The following HYDIN variants were observed in gnomAD, a reference collection of about 807,000 sequenced individuals.
The protein encoded by HYDIN is HYDIN axonemal central pair apparatus protein.
Under a neutral mutation model 403.9 loss-of-function variants are expected in HYDIN, and 132 were observed. That is an observed-to-expected ratio of 0.33 (90% CI 0.28 to 0.38). The LOEUF (loss-of-function observed/expected upper bound fraction) is 0.38. Ranked by LOEUF, HYDIN falls within the 10% of genes least tolerant of loss-of-function variation. The pLI is 1.00. For synonymous variants in HYDIN, 1,202 were observed against 1,891.7 expected (o/e 0.64, Z 9.46); for missense variants, 2,827 against 5,009.5 (o/e 0.56, Z 13.15).
chr16:71,049,206 A>T (rs2081553790), intron 18 of HYDIN, among the ~76,000 whole-genome samples: 1 of 152,340 alleles, frequency 6.6e-6, no homozygotes, highest in South Asian at 2.1e-4. Context: ...AAAAACAGGA[A>T]CGAAAATGAT....
Position 70,850,610 on chromosome 16 carries a change from C to T in HYDIN, c.12489G>A (p.Val4163=). 1 of 1,614,002 alleles carries T rather than the reference C, an allele frequency of 6.2e-7. No homozygotes were observed. The highest frequency in any genetic ancestry group is 8.5e-7 in the Non-Finnish European group (1 of 1,179,972). ...IFFTPKQEGD[V]NFNLICNVEK... ...CCACATTGCAGATCAAATTAAAGTT[C>T]ACATCTCCTTCCTGCTTTGGTGTGA... The change falls in exon 74 of 86, where the codon GTG becomes GTA. Residue 4163 remains valine, a synonymous_variant. Transcript: ENST00000393567.
intron 84 of HYDIN, 87 bp downstream of exon 84, chr16:70,818,255 G>A: frequency 1.4e-6 from 1 of 696,420 alleles, no homozygotes. Context: ...CCACCCTCTG[G>A]GGATGCAGAG....
intron 4 of HYDIN, among the ~76,000 whole-genome samples, chr16:71,178,373 C>T (rs547924410): frequency 6.9e-6 from 1 of 145,578 alleles, no homozygotes; most frequent in African/African-American, 2.6e-5. Flanking sequence ...GAGCCGAGAT[C>T]GTACCATTGC....
intron 44 of HYDIN, among the ~76,000 whole-genome samples, chr16:70,936,849 A>T (rs2143864162): frequency 6.6e-6 from 1 of 151,270 alleles, no homozygotes. Flanking sequence ...GTATTTTCAA[A>T]GCAGTTTCTA....
chr16:70,933,508 G>T (rs529193641), intron 45 of HYDIN: 1 of 151,102 alleles, frequency 6.6e-6, no homozygotes, highest in East Asian at 2.0e-4. Context: ...TGCCTGCTTT[G>T]GAGTTGGACA....
intron 10 of HYDIN, among the ~76,000 whole-genome samples, chr16:71,108,394 C>T (rs10735139): frequency 0.17 from 25,648 of 151,738 alleles, 6,186 homozygotes; most frequent in African/African-American, 0.54. Context: ...GGTGGTGATT[C>T]CAGGGGAGGC....
At chr16:71,196,268 G>A (rs1017823586) in intron 1 of HYDIN, among the ~76,000 whole-genome samples, 1 of 152,142 alleles carries the variant, frequency 6.6e-6, no homozygotes, top group East Asian at 1.9e-4. Flanking sequence ...AGATGTTTCT[G>A]GAAGAGATTA....
At chr16:71,071,410 T>TTCTA (rs58733941) in intron 13 of HYDIN, among the ~76,000 whole-genome samples, 24,553 of 151,760 alleles carry the variant, frequency 0.16, 5,333 homozygotes, top group African/African-American at 0.5. Context: ...CCTAATACTA[T>TTCTA]TCTATCTACA....
intron 70 of HYDIN, 94 bp from the exon 71 acceptor site, chr16:70,860,300 C>G: frequency 7.1e-7 from 1 of 1,406,492 alleles, no homozygotes; most frequent in Admixed American, 2.1e-5. Flanking sequence ...CCCAGTCCCC[C>G]ATCTGGGAAG....
intron 1 of HYDIN, among the ~76,000 whole-genome samples, chr16:71,204,664 T>C (rs1265860530): frequency 7.2e-5 from 11 of 152,182 alleles, no homozygotes; most frequent in Non-Finnish European, 1.6e-4. Flanking sequence ...AACACTGTAC[T>C]TGAGCTGTCT....
chr16:70,922,123 G>C (rs1306066651), intron 45 of HYDIN, among the ~76,000 whole-genome samples: 1 of 152,170 alleles, frequency 6.6e-6, no homozygotes, highest in African/African-American at 2.4e-5. Flanking sequence ...AGACATGAAC[G>C]ACCAGGGGCT....
At chr16:71,226,205 C>T (rs920435625) in intron 1 of HYDIN, among the ~76,000 whole-genome samples, 4 of 152,156 alleles carry the variant, frequency 2.6e-5, no homozygotes, top group African/African-American at 9.7e-5. Context: ...GTTAAAATGA[C>T]TGGTAGTTCA....
intron 78 of HYDIN, 35 bp downstream of exon 78, chr16:70,835,641 T>A (rs1435255547): frequency 1.6e-6 from 1 of 608,796 alleles, no homozygotes; most frequent in South Asian, 2.0e-5. Flanking sequence ...TCAGGGAGCA[T>A]GAAGGGGCCG....
intron 41 of HYDIN, 87 bp from the exon 42 acceptor site, chr16:70,944,036 G>C: frequency 1.0e-6 from 1 of 979,654 alleles, no homozygotes; most frequent in Non-Finnish European, 1.6e-6. Flanking sequence ...ACCTTGGGAA[G>C]ATCACATAAT....
chr16:71,158,879 C>CG (rs1333284771), intron 6 of HYDIN, among the ~76,000 whole-genome samples: 1 of 135,534 alleles, frequency 7.4e-6, no homozygotes, highest in Non-Finnish European at 1.6e-5. Context: ...TTTGTAGAGA[C>CG]GGGGTTTTAC....
At chr16:71,143,613 A>G (rs1338229264) in intron 7 of HYDIN, among the ~76,000 whole-genome samples, 1 of 152,212 alleles carries the variant, frequency 6.6e-6, no homozygotes, top group East Asian at 1.9e-4. Context: ...CTGTTTGGCT[A>G]GATTTTCTAG....
intron 1 of HYDIN, among the ~76,000 whole-genome samples, chr16:71,193,754 T>C (rs2087553685): frequency 6.6e-6 from 1 of 152,208 alleles, no homozygotes; most frequent in Admixed American, 6.5e-5. Context: ...CATTAATAAC[T>C]ATCATGATCA....
At chr16:71,003,824 T>A (rs2144080749) in intron 23 of HYDIN, among the ~76,000 whole-genome samples, 1 of 152,088 alleles carries the variant, frequency 6.6e-6, no homozygotes, top group Middle Eastern at 3.4e-3. Flanking sequence ...GCAATTGAAT[T>A]TTATAACTTT....
intron 19 of HYDIN, among the ~76,000 whole-genome samples, chr16:71,030,922 C>T (rs958391481): frequency 4.0e-5 from 6 of 151,706 alleles, no homozygotes; most frequent in East Asian, 3.9e-4. Context: ...TGCTAGTGAC[C>T]GGGCACGGTG....
Sources: gnomAD v4.1 joint callset for allele counts (sites outside exome capture counted in the v4.1 genomes callset) on GRCh38, gnomAD v4.1.1 for gene constraint, MANE v1.5 for transcripts, NCBI Gene and HGNC (gene_info 2026-07-23, HGNC 2026-07-21) for gene names.